The following NPSR1 variants were observed in gnomAD, a reference collection of about 807,000 sequenced individuals.
NPSR1 encodes the protein neuropeptide S receptor 1, also known as neuropeptide S receptor.
Under a neutral mutation model 46.9 loss-of-function variants are expected in NPSR1, and 48 were observed. The ratio of observed to expected loss-of-function variants is 1.02; its 90% CI spans 0.81 to 1.30. The LOEUF (loss-of-function observed/expected upper bound fraction) is 1.30, where lower values mean the gene tolerates loss of function less well. Ranked by LOEUF, NPSR1 falls within the 50% of genes most tolerant of loss-of-function variation. The pLI is 0.00. For missense variants in NPSR1, 450 were observed against 449.5 expected, an observed-to-expected ratio of 1.00 and a Z score of -0.01; for synonymous variants, 176 against 168.1, an observed-to-expected ratio of 1.05 and a Z score of -0.36.
At chr7:34,758,492 A>T (rs984590870) in intron 2 of NPSR1, among the ~76,000 whole-genome samples, 15 of 152,202 alleles carry the variant, frequency 9.9e-5, no homozygotes, top group Non-Finnish European at 1.9e-4. Context: ...TATCTTCAGT[A>T]CCGTGCAGAG....
At chr7:34,798,574 A>C (rs1019497058) in intron 3 of NPSR1, among the ~76,000 whole-genome samples, 1 of 152,162 alleles carries the variant, frequency 6.6e-6, no homozygotes, top group East Asian at 1.9e-4. Context: ...GAGAAATACA[A>C]TTTAACTGAA....
chr7:34,719,663 T>G (rs186095388), intron 2 of NPSR1: 1 of 152,352 alleles, frequency 6.6e-6, no homozygotes, highest in East Asian at 1.9e-4. Context: ...GGATTGAAAC[T>G]GTATTCCCAT....
chr7:34,659,859 C>T (rs1276786990), intron 1 of NPSR1, among the ~76,000 whole-genome samples: 1 of 152,120 alleles, frequency 6.6e-6, no homozygotes, highest in Non-Finnish European at 1.5e-5. Context: ...ACCCAGGAAG[C>T]ACAGGACTCC....
chr7:34,757,448 C>A (rs749183050), intron 2 of NPSR1, among the ~76,000 whole-genome samples: 3 of 152,132 alleles, frequency 2.0e-5, no homozygotes, highest in Non-Finnish European at 2.9e-5. Flanking sequence ...ATGCAGGTGT[C>A]GGCCAGTGTT....
At position 34,791,623 on chromosome 7, in the gene NPSR1, A is replaced by G. The variant is rs569829286; in HGVS notation, c.384+13058A>G. On this transcript the variant is annotated intron_variant, in intron 3 of 8. Coordinates refer to ENST00000360581, the MANE Select transcript of NPSR1 (RefSeq NM_207172.2). ...ACAGACTTAATACTTTAAAGTGTCT[A>G]TAAATCAAAGCTATCTACAGATTCA... Among the ~76,000 whole-genome samples the G allele has an allele frequency of 2.0e-5, 3 of 152,180 alleles. No individual in the cohort carries two copies. In the East Asian group the frequency reaches 5.8e-4, roughly 29 times the overall value.
chr7:34,781,521 T>G (rs1013387113), intron 3 of NPSR1, among the ~76,000 whole-genome samples: 4 of 152,282 alleles, frequency 2.6e-5, no homozygotes, highest in African/African-American at 7.2e-5. Flanking sequence ...GCTATCAGTA[T>G]TAGACACAGA....
intron 2 of NPSR1, among the ~76,000 whole-genome samples, chr7:34,730,140 A>C (rs932437579): frequency 6.6e-6 from 1 of 152,232 alleles, no homozygotes; most frequent in Non-Finnish European, 1.5e-5. Context: ...ACTGAGTGAC[A>C]TTTTAAAACT....
chr7:34,664,073 G>T (rs770389575), intron 1 of NPSR1, among the ~76,000 whole-genome samples: 1 of 152,210 alleles, frequency 6.6e-6, no homozygotes, highest in Non-Finnish European at 1.5e-5. Flanking sequence ...AGGTAGATAA[G>T]AAATCTAACA....
intron 4 of NPSR1, among the ~76,000 whole-genome samples, chr7:34,812,888 CA>C (rs1484197577): frequency 6.6e-6 from 1 of 152,118 alleles, no homozygotes; most frequent in Non-Finnish European, 1.5e-5. Context: ...AATCTCATTC[CA>C]CACAATTTGG....
chr7:34,678,923 A>C (rs903895920), intron 1 of NPSR1, among the ~76,000 whole-genome samples: 1 of 152,220 alleles, frequency 6.6e-6, no homozygotes, highest in African/African-American at 2.4e-5. Flanking sequence ...AGTATGTTAT[A>C]CTAGAATATG....
chr7:34,778,599 C>A (rs1787088275), intron 3 of NPSR1, 34 bp downstream of exon 3: 5 of 1,295,768 alleles, frequency 3.9e-6, no homozygotes, highest in Non-Finnish European at 4.5e-6. Flanking sequence ...ATGAGACAAA[C>A]TGATACCAGA....
At chr7:34,709,261 C>T (rs1794266038) in intron 2 of NPSR1, among the ~76,000 whole-genome samples, 1 of 152,180 alleles carries the variant, frequency 6.6e-6, no homozygotes, top group Non-Finnish European at 1.5e-5. Flanking sequence ...TCCTGTGCAA[C>T]TGTGCCCTTG....
At chr7:34,779,582 A>G in intron 3 of NPSR1, 1 of 1,279,798 alleles carries the variant, frequency 7.8e-7, no homozygotes, top group Non-Finnish European at 1.0e-6. Flanking sequence ...GAAAATGAAT[A>G]TGGAATAGTT....
chr7:34,679,819 AAATAAT>A (rs1792525634), intron 1 of NPSR1, among the ~76,000 whole-genome samples: 1 of 152,184 alleles, frequency 6.6e-6, no homozygotes, highest in Non-Finnish European at 1.5e-5. Context: ...GAAATCATTT[AAATAAT>A]AATATGCAAC....
At chr7:34,737,999 C>T (rs866961132) in intron 2 of NPSR1, among the ~76,000 whole-genome samples, 1 of 152,308 alleles carries the variant, frequency 6.6e-6, no homozygotes, top group Middle Eastern at 3.4e-3. Flanking sequence ...GTTTTATTCA[C>T]TGCACCTAGA....
At chr7:34,676,472 C>T (rs886747251) in intron 1 of NPSR1, among the ~76,000 whole-genome samples, 9 of 152,076 alleles carry the variant, frequency 5.9e-5, no homozygotes, top group African/African-American at 2.2e-4. Context: ...TTCCTCAGTC[C>T]CCATTACCAT....
chr7:34,763,523 AAAT>A (rs1786281043), intron 2 of NPSR1, among the ~76,000 whole-genome samples: 1 of 152,310 alleles, frequency 6.6e-6, no homozygotes, highest in East Asian at 1.9e-4. Context: ...ATACAAAAAA[AAAT>A]AATGTGTTCA....
In NPSR1 at chr7:34,750,394, C is replaced by T. The variant is rs1184201842; in HGVS notation, c.281-28068C>T. ...CTTTTGGTTTCTTTTCGGAAGCTCG[C>T]TGCTGGGTGTTCGGATGCCGATGGG... On this transcript the variant is annotated intron_variant, in intron 2 of 8. Transcript: ENST00000360581. 3 of 744,142 alleles carry T rather than the reference C, an allele frequency of 4.0e-6. No homozygotes were observed. The African/African-American group carries it at 5.2e-5, about 13-fold the overall frequency. The allele number at this position is 744,142 out of a possible 1,614,324, so 46.1% of individuals were successfully genotyped here.
chr7:34,678,719 G>C (rs1020924730), intron 1 of NPSR1, among the ~76,000 whole-genome samples: 60 of 151,630 alleles, frequency 4.0e-4, no homozygotes, highest in African/African-American at 1.4e-3. Context: ...CCATCTACTC[G>C]GGAGGCTGAG....
Sources: allele counts gnomAD v4.1 joint callset (sites outside exome capture counted in the v4.1 genomes callset), GRCh38; gene constraint gnomAD v4.1.1; transcripts MANE v1.5; gene names NCBI Gene and HGNC (gene_info 2026-07-23, HGNC 2026-07-21).